Variants in ALMS1 observed in about 807,000 individuals in gnomAD.
The protein encoded by ALMS1 is ALMS1 centrosome and basal body associated protein.
ALMS1 carries 271 observed loss-of-function variants against 352.2 expected under a neutral mutation model. The ratio of observed to expected loss-of-function variants is 0.77; its 90% CI spans 0.70 to 0.85. The LOEUF is 0.85. Among genes scored for constraint, ALMS1 ranks in the 40% least tolerant of loss-of-function variants. ALMS1 has a pLI of 0.00. For missense variants in ALMS1, 5,445 were observed against 4,870.7 expected, an observed-to-expected ratio of 1.12 and a Z score of -3.51; for synonymous variants, 1,865 against 1,761.2, an observed-to-expected ratio of 1.06 and a Z score of -1.48.
intron 1 of ALMS1, among the ~76,000 whole-genome samples, chr2:73,392,790 A>G (rs188286319): frequency 3.3e-4 from 50 of 152,276 alleles, no homozygotes; most frequent in Admixed American, 1.0e-3. Context: ...GCTATTATGT[A>G]TAATGCTACC....
At chr2:73,593,892 G>C (rs148291577) in intron 16 of ALMS1, among the ~76,000 whole-genome samples, 4 of 152,160 alleles carry the variant, frequency 2.6e-5, no homozygotes, top group Non-Finnish European at 4.4e-5. Flanking sequence ...TTCAAGGTTC[G>C]TACACCTCAT....
intron 16 of ALMS1, among the ~76,000 whole-genome samples, chr2:73,587,209 A>C (rs1401537630): frequency 1.3e-5 from 2 of 152,190 alleles, no homozygotes; most frequent in East Asian, 3.9e-4. Flanking sequence ...GTATACAGTC[A>C]TATCATCGGT....
At chr2:73,603,597 T>C (rs1558713168) in intron 21 of ALMS1, 5 of 374,904 alleles carry the variant, frequency 1.3e-5, no homozygotes, top group Non-Finnish European at 2.6e-5. Context: ...CGGTGGCTCA[T>C]GCCTGTAATC....
intron 21 of ALMS1, among the ~76,000 whole-genome samples, chr2:73,606,517 T>A (rs1675821016): frequency 6.6e-6 from 1 of 152,224 alleles, no homozygotes. Context: ...TATCAATGCT[T>A]TCGACGAGAA....
At chr2:73,484,847 T>C (rs1274919710) in intron 9 of ALMS1, among the ~76,000 whole-genome samples, 1 of 152,260 alleles carries the variant, frequency 6.6e-6, no homozygotes, top group Admixed American at 6.5e-5. Context: ...GCTGATACCC[T>C]TTCTTCCAGT....
At chr2:73,457,538 T>A (rs929033873) in intron 9 of ALMS1, among the ~76,000 whole-genome samples, 9 of 152,134 alleles carry the variant, frequency 5.9e-5, no homozygotes, top group African/African-American at 1.7e-4. Context: ...CGCCTCGCCC[T>A]ATGTAATACT....
chr2:73,452,464 G>A lies in ALMS1; in HGVS notation c.5937G>A (p.Gly1979=). Residue 1979 remains glycine, a synonymous_variant, in exon 8 of 23, where the codon GGG becomes GGA. Coordinates refer to ENST00000613296, the MANE Select transcript of ALMS1 (RefSeq NM_001378454.1). Reference sequence around the variant, plus strand: ...CTATACCAGCAGAGCAGAAGACTGGGATACCAATAGGACTGTCTAGTTCCT... The same window carrying A: ...CTATACCAGCAGAGCAGAAGACTGGAATACCAATAGGACTGTCTAGTTCCT... ...PVSIPAEQKT[G]IPIGLSSSYS... 6.2e-7 allele frequency: 1 copy of A among 1,614,016 alleles called. No homozygotes were observed. Among genetic ancestry groups the A allele is most frequent in the South Asian group, 1.1e-5 (1 of 91,066 alleles).
At chr2:73,529,441 A>G (rs1280762154) in intron 11 of ALMS1, among the ~76,000 whole-genome samples, 2 of 152,302 alleles carry the variant, frequency 1.3e-5, no homozygotes, top group South Asian at 2.1e-4. Flanking sequence ...TGGTGAGGTC[A>G]TGTTTTCATA....
intron 10 of ALMS1, among the ~76,000 whole-genome samples, chr2:73,514,583 G>A (rs573590750): frequency 7.2e-5 from 11 of 151,980 alleles, no homozygotes; most frequent in South Asian, 2.1e-4. Flanking sequence ...ATAAAGCAAC[G>A]TAAAATATGT....
chr2:73,561,461 A>ATTTCTC (rs1674661608), intron 15 of ALMS1, among the ~76,000 whole-genome samples: 1 of 152,172 alleles, frequency 6.6e-6, no homozygotes, highest in Non-Finnish European at 1.5e-5. Flanking sequence ...AGGAAAACTT[A>ATTTCTC]TTTCTCTTTC....
At chr2:73,467,094 T>G (rs918053353) in intron 9 of ALMS1, among the ~76,000 whole-genome samples, 1 of 112,580 alleles carries the variant, frequency 8.9e-6, no homozygotes, top group African/African-American at 3.5e-5. Context: ...GGCAAAGGTT[T>G]CTTAAACAAG....
chr2:73,540,587 TAA>T (rs1194102647), intron 12 of ALMS1, among the ~76,000 whole-genome samples: 3 of 152,124 alleles, frequency 2.0e-5, no homozygotes, highest in Non-Finnish European at 4.4e-5. Context: ...GCAAATTGGA[TAA>T]AGAGTCAAGA....
chr2:73,512,511 A>G (rs1376448395), intron 10 of ALMS1, among the ~76,000 whole-genome samples: 1 of 151,846 alleles, frequency 6.6e-6, no homozygotes, highest in African/African-American at 2.4e-5. Flanking sequence ...TTTACTATCT[A>G]TATGTTTTCT....
chr2:73,606,889 AT>A (rs1319114373), intron 21 of ALMS1, among the ~76,000 whole-genome samples: 2 of 152,212 alleles, frequency 1.3e-5, no homozygotes, highest in Admixed American at 6.5e-5. Flanking sequence ...AGAAGGAAAG[AT>A]TTCAAGAGGA....
chr2:73,494,866 T>C (rs1673070999), intron 10 of ALMS1, among the ~76,000 whole-genome samples: 1 of 152,254 alleles, frequency 6.6e-6, no homozygotes, highest in East Asian at 1.9e-4. Context: ...ACAAATAACC[T>C]GTTTCTGCTT....
chr2:73,511,662 G>GT (rs1394557846), intron 10 of ALMS1, among the ~76,000 whole-genome samples: 5 of 152,114 alleles, frequency 3.3e-5, no homozygotes, highest in Non-Finnish European at 7.4e-5. Flanking sequence ...ATGACCATAA[G>GT]TTTTTTATTT....
In ALMS1 at chr2:73,521,433, C is replaced by G. The variant is rs1306527870; in HGVS notation, c.9781+1417C>G. On this transcript the variant is annotated intron_variant, in intron 11 of 22. Transcript: ENST00000613296. ...TGTTCTCATGGTGGTGGCAGAAACACAAGAGAGGAAACAGCTATAAAAGCA... is the reference window on the plus strand; with the variant it reads ...TGTTCTCATGGTGGTGGCAGAAACAGAAGAGAGGAAACAGCTATAAAAGCA... Among the ~76,000 whole-genome samples, 4 of 151,900 alleles carry G rather than the reference C, an allele frequency of 2.6e-5. No homozygotes were observed. The East Asian group carries it at 7.7e-4, about 29-fold the overall frequency.
At chr2:73,580,808 G>T (rs1269067962) in intron 16 of ALMS1, among the ~76,000 whole-genome samples, 1 of 152,148 alleles carries the variant, frequency 6.6e-6, no homozygotes. Flanking sequence ...ACTCTTTGTT[G>T]TTGTGTGATA....
At chr2:73,431,529 T>C (rs1003548310) in intron 6 of ALMS1, among the ~76,000 whole-genome samples, 2 of 152,190 alleles carry the variant, frequency 1.3e-5, no homozygotes, top group Non-Finnish European at 2.9e-5. Context: ...ATGTCACCAA[T>C]ATTGGTTTCT....
Sources: allele counts gnomAD v4.1 joint callset (sites outside exome capture counted in the v4.1 genomes callset), GRCh38; gene constraint gnomAD v4.1.1; transcripts MANE v1.5; gene names NCBI Gene and HGNC (gene_info 2026-07-23, HGNC 2026-07-21).